NLRP1: variants seen among roughly 807,000 people sequenced by gnomAD.
The protein encoded by NLRP1 is NLR family pyrin domain containing 1, also known as NACHT, LRR and PYD domains-containing protein 1.
Under a neutral mutation model 136.7 loss-of-function variants are expected in NLRP1, and 94 were observed. The ratio of observed to expected loss-of-function variants is 0.69; its 90% CI spans 0.58 to 0.82. The LOEUF is 0.82. Ranked by LOEUF, NLRP1 falls within the 40% of genes least tolerant of loss-of-function variation. The probability of loss-of-function intolerance (pLI) is 0.00; values close to 1 mark genes in which losing one functional copy is unlikely to be tolerated. For synonymous variants in NLRP1, 690 were observed against 725.1 expected (o/e 0.95, Z 0.78); for missense variants, 1,575 against 1,802.7 (o/e 0.87, Z 2.29).
rs140976022 is a variant in NLRP1, at chr17:5,533,950, G to A, written c.2999C>T (p.Thr1000Met). 2.5e-6 allele frequency: 4 copies of A among 1,613,294 alleles called. No homozygotes were observed. Among genetic ancestry groups the A allele is most frequent in the Middle Eastern group, 1.7e-4 (1 of 6,060 alleles). ...SVMTPTEGLD[T>M]GEMSNSTSSL... is the part of the protein sequence containing the mutation. Reference sequence around the variant, plus strand: ...GGATGTGCTATTACTCATCTCTCCCGTATCCAGGCCCTCAGTAGGGGTCAT... The same window carrying A: ...GGATGTGCTATTACTCATCTCTCCCATATCCAGGCCCTCAGTAGGGGTCAT... The change falls in exon 9 of 17, where the codon ACG becomes ATG. Residue 1000 changes from threonine to methionine, a missense_variant. Physicochemically the swap from Thr to Met is moderately conservative, Grantham distance 81. Coordinates refer to ENST00000572272, the MANE Select transcript of NLRP1 (RefSeq NM_033004.4).
rs1009052291 is a variant in NLRP1 at position 5,533,003 on chromosome 17, G to A, written c.3134-19C>T. 22 of 1,604,774 alleles carry A rather than the reference G, an allele frequency of 1.4e-5. No individual in the cohort carries two copies. The highest frequency in any genetic ancestry group is 1.1e-4 in the East Asian group (5 of 44,802). On this transcript the variant is annotated intron_variant, in intron 10 of 16. Coordinates refer to ENST00000572272, the MANE Select transcript of NLRP1 (RefSeq NM_033004.4). ...CTTTCCTCTGAAACAGCAAGGCAGC[G>A]GTCAGCTCCAGATTCTCCCGCCTGG...
chr17:5,529,154 A>AT lies in NLRP1; in HGVS notation c.3520+1326dup, dbSNP rs376252233. 9.2e-5 allele frequency among the ~76,000 whole-genome samples: 14 copies of AT among 151,864 alleles called. No homozygotes were observed. In the East Asian group the frequency reaches 2.5e-3, roughly 27 times the overall value. The stretch of plus-strand genomic sequence containing the variant: ...TTTCACATTAATGAGACTAATCTTG[A>AT]TTTTTTCTCTCCCTTCTCTCTCTCT... On this transcript the variant is annotated intron_variant, in intron 12 of 16. Transcript: ENST00000572272.
At chr17:5,571,663 C>T (rs918153515) in intron 3 of NLRP1, among the ~76,000 whole-genome samples, 3 of 152,114 alleles carry the variant, frequency 2.0e-5, no homozygotes, top group East Asian at 1.9e-4. Context: ...TTGTTAAAAT[C>T]GCCATACTAC....
chr17:5,540,641 T>A (rs1394317938), intron 6 of NLRP1, among the ~76,000 whole-genome samples: 1 of 152,148 alleles, frequency 6.6e-6, no homozygotes, highest in Non-Finnish European at 1.5e-5. Context: ...CTCTCCGAGA[T>A]CCAATCTTGT....
rs1164341143 is a variant in NLRP1, at chr17:5,559,147, A to C, written c.1549T>G (p.Cys517Gly). The change falls in exon 4 of 17, where the codon TGT (cysteine) becomes GGT (glycine). Residue 517 changes from cysteine to glycine, a missense_variant. Coordinates refer to ENST00000572272, the MANE Select transcript of NLRP1 (RefSeq NM_033004.4). ...AGCCAGGACACCCAGGGCACAAGAC[A>C]CAGGGCCCAGAGCTCTTTGTTTGAT... ...VKSNKELWAL[C>G]LVPWVSWLAC... 1 of 1,614,202 alleles carries C rather than the reference A, an allele frequency of 6.2e-7. No individual in the cohort carries two copies. The highest frequency in any genetic ancestry group is 8.5e-7 in the Non-Finnish European group (1 of 1,180,022).
At chr17:5,578,086 T>G (rs1905201380) in intron 3 of NLRP1, among the ~76,000 whole-genome samples, 1 of 152,238 alleles carries the variant, frequency 6.6e-6, no homozygotes, top group Non-Finnish European at 1.5e-5. Context: ...GATCCCTTCC[T>G]TACACCTTAT....
chr17:5,506,703 C>T (rs1307918465), intron 15 of NLRP1, among the ~76,000 whole-genome samples: 1 of 149,010 alleles, frequency 6.7e-6, no homozygotes, highest in Non-Finnish European at 1.5e-5. Flanking sequence ...ACCAGCCTGG[C>T]CAACATGGTG....
At position 5,537,065 on chromosome 17, in the gene NLRP1, C is replaced by T; in HGVS notation, c.2871-125G>A. 1 of 671,278 alleles carries T rather than the reference C, an allele frequency of 1.5e-6. No individual in the cohort carries two copies. Among genetic ancestry groups the T allele is most frequent in the Non-Finnish European group, 2.7e-6 (1 of 368,612 alleles). 41.6% of individuals were successfully genotyped at this position (671,278 alleles called of 1,614,324 possible). Reference sequence around the variant, plus strand: ...GGCCGCAGGGTGGGTTCCCTGGAAGCCAGGCTCTGAGGAGGAGGGTACAGT... The same window carrying T: ...GGCCGCAGGGTGGGTTCCCTGGAAGTCAGGCTCTGAGGAGGAGGGTACAGT... On this transcript the variant is annotated intron_variant, in intron 7 of 16. Coordinates refer to ENST00000572272, the MANE Select transcript of NLRP1 (RefSeq NM_033004.4). The surrounding 1 kb of genome is among the most constrained non-coding windows in gnomAD (Gnocchi z 4.5).
chr17:5,576,776 C>T (rs1271925486), intron 3 of NLRP1, among the ~76,000 whole-genome samples: 4 of 152,126 alleles, frequency 2.6e-5, no homozygotes, highest in Non-Finnish European at 4.4e-5. Flanking sequence ...AAGCATCATC[C>T]TGATACCAAA....
chr17:5,539,723 C>T, intron 6 of NLRP1, 138 bp from the exon 7 acceptor site: 1 of 1,396,886 alleles, frequency 7.2e-7, no homozygotes, highest in Non-Finnish European at 9.3e-7. Context: ...TACAAACTTT[C>T]CTGGCTTGCG....
chr17:5,529,276 AT>A (rs1343924621), intron 12 of NLRP1, among the ~76,000 whole-genome samples: 2 of 52,454 alleles, frequency 3.8e-5, no homozygotes, highest in Admixed American at 1.7e-4. Flanking sequence ...TGAATATTCT[AT>A]TTTTTTCCCT....
downstream of NLRP1, chr17:5,514,103 G>C (rs1907808478): frequency 1.3e-5 from 2 of 152,164 alleles, no homozygotes; most frequent in Admixed American, 6.5e-5. Flanking sequence ...CAGCCAGTCG[G>C]GACTGCTGTG....
chr17:5,535,332 C>G (rs1278128105), intron 8 of NLRP1, among the ~76,000 whole-genome samples: 1 of 152,144 alleles, frequency 6.6e-6, no homozygotes, highest in African/African-American at 2.4e-5. Context: ...GAGGGTGATG[C>G]TCATGCTGCT....
chr17:5,517,362 C>CCGG (rs1555542066), intron 15 of NLRP1, among the ~76,000 whole-genome samples: 6 of 61,570 alleles, frequency 9.7e-5, no homozygotes, highest in African/African-American at 3.1e-4. Context: ...CCCCCCCCCT[C>CCGG]CCACATACAC....
intron 5 of NLRP1, among the ~76,000 whole-genome samples, chr17:5,546,521 C>G (rs1486718050): frequency 2.6e-5 from 4 of 152,174 alleles, no homozygotes; most frequent in Non-Finnish European, 2.9e-5. Flanking sequence ...AACCCCACTC[C>G]CGCCAATTTC....
chr17:5,517,028 C>T (rs1024282312), intron 15 of NLRP1, among the ~76,000 whole-genome samples: 2 of 152,142 alleles, frequency 1.3e-5, no homozygotes, highest in African/African-American at 2.4e-5. Flanking sequence ...AAATACTGAG[C>T]GATACAGGGG....
intron 3 of NLRP1, among the ~76,000 whole-genome samples, chr17:5,579,671 G>A (rs1905385059): frequency 6.6e-6 from 1 of 152,134 alleles, no homozygotes. Flanking sequence ...AATAGCACCA[G>A]TATGGAATCA....
At chr17:5,538,839 C>T (rs1911451215) in intron 7 of NLRP1, among the ~76,000 whole-genome samples, 1 of 152,134 alleles carries the variant, frequency 6.6e-6, no homozygotes, top group African/African-American at 2.4e-5. Flanking sequence ...TCATGCCCGA[C>T]TCTCTTCCCA....
chr17:5,561,721 G>C (rs1268475706), intron 3 of NLRP1, among the ~76,000 whole-genome samples: 1 of 43,044 alleles, frequency 2.3e-5, no homozygotes, highest in African/African-American at 8.5e-5. Flanking sequence ...GGGATTACAG[G>C]CGTGAGCCAC....
Sources: allele counts gnomAD v4.1 joint callset (sites outside exome capture counted in the v4.1 genomes callset), GRCh38; gene constraint gnomAD v4.1.1; non-coding constraint Gnocchi (gnomAD v3.1); transcripts MANE v1.5; gene names NCBI Gene and HGNC (gene_info 2026-07-23, HGNC 2026-07-21).